TNFSF4: variants seen among roughly 807,000 people sequenced by gnomAD.
TNFSF4 encodes the protein tumor necrosis factor ligand superfamily member 4.
A neutral mutation model predicts 7.3 loss-of-function variants in TNFSF4; 4 were observed. The observed-to-expected ratio is 0.55, with a 90% CI of 0.27 to 1.25. The LOEUF (loss-of-function observed/expected upper bound fraction) is 1.25. Ranked by LOEUF, TNFSF4 falls within the 50% of genes most tolerant of loss-of-function variation. TNFSF4 has a pLI of 0.12. For missense variants in TNFSF4, 181 were observed against 208.8 expected (o/e 0.87, Z 0.82); for synonymous variants, 76 against 83.7 (o/e 0.91, Z 0.50).
At chr1:173,416,437 G>A in the TNFSF4 span, among the ~76,000 whole-genome samples, 4 of 152,072 alleles carry the variant, frequency 2.6e-5, no homozygotes, top group Non-Finnish European at 5.9e-5. Flanking sequence ...GAGGGCAGAG[G>A]AGAGGGAAGG....
chr1:173,247,757 C>T, the TNFSF4 span, among the ~76,000 whole-genome samples: 1 of 152,114 alleles, frequency 6.6e-6, no homozygotes, highest in African/African-American at 2.4e-5. Context: ...ACTTGTCATT[C>T]AAATGATTAA....
At chr1:173,386,635 G>A in the TNFSF4 span, among the ~76,000 whole-genome samples, 7 of 152,180 alleles carry the variant, frequency 4.6e-5, no homozygotes, top group African/African-American at 1.4e-4. Flanking sequence ...AGTGGGATCA[G>A]GGCTGCCCTT....
the TNFSF4 span, among the ~76,000 whole-genome samples, chr1:173,420,985 TTA>T: frequency 6.6e-6 from 1 of 152,214 alleles, no homozygotes; most frequent in Non-Finnish European, 1.5e-5. Context: ...CCAGTTACAG[TTA>T]TGTTACAGTC....
chr1:173,200,023 A>T (rs1019794216), intron 1 of TNFSF4, among the ~76,000 whole-genome samples: 1 of 152,240 alleles, frequency 6.6e-6, no homozygotes, highest in Non-Finnish European at 1.5e-5. Context: ...TATGTTATCT[A>T]CATTTGTGTA....
chr1:173,281,075 C>T, the TNFSF4 span, among the ~76,000 whole-genome samples: 1 of 151,958 alleles, frequency 6.6e-6, no homozygotes, highest in Non-Finnish European at 1.5e-5. Flanking sequence ...ATATTTTTTG[C>T]AATCCTGTTG....
At chr1:173,229,326 C>T in the TNFSF4 span, among the ~76,000 whole-genome samples, 1 of 152,134 alleles carries the variant, frequency 6.6e-6, no homozygotes, top group Non-Finnish European at 1.5e-5. Context: ...CATATCCAGC[C>T]AAACTAAGCT....
chr1:173,402,650 A>G, the TNFSF4 span, among the ~76,000 whole-genome samples: 2 of 152,190 alleles, frequency 1.3e-5, no homozygotes. Flanking sequence ...GGTCATCACC[A>G]TGTTCAGCAA....
chr1:173,427,892 T>C, the TNFSF4 span, among the ~76,000 whole-genome samples: 1 of 152,092 alleles, frequency 6.6e-6, no homozygotes, highest in African/African-American at 2.4e-5. Context: ...TAATGTGTTG[T>C]GCTACCATGT....
chr1:173,281,233 AGG>A, the TNFSF4 span, among the ~76,000 whole-genome samples: 2 of 152,168 alleles, frequency 1.3e-5, no homozygotes, highest in Non-Finnish European at 2.9e-5. Context: ...AGAAAAAAAA[AGG>A]AATATTTTTG....
At chr1:173,430,454 G>A in the TNFSF4 span, among the ~76,000 whole-genome samples, 1 of 152,186 alleles carries the variant, frequency 6.6e-6, no homozygotes, top group Non-Finnish European at 1.5e-5. Flanking sequence ...TAATCTTGTG[G>A]GTCAGGAGTG....
chr1:173,250,515 A>G, the TNFSF4 span, among the ~76,000 whole-genome samples: 1 of 148,922 alleles, frequency 6.7e-6, no homozygotes, highest in African/African-American at 2.5e-5. Context: ...GCTGGAGTGC[A>G]GTGGCGCCAT....
intron 1 of TNFSF4, chr1:173,205,724 T>A (rs1241324331): frequency 2.9e-6 from 1 of 350,706 alleles, no homozygotes; most frequent in Non-Finnish European, 4.0e-6. Context: ...ATCCGGTCGA[T>A]GTCTTGGGCA....
chr1:173,391,448 A>C, the TNFSF4 span, among the ~76,000 whole-genome samples: 4 of 129,490 alleles, frequency 3.1e-5, no homozygotes, highest in African/African-American at 5.1e-5. Flanking sequence ...AAAAAAAAAA[A>C]AAAAAAAAAA....
At chr1:173,192,140 G>A (rs1649514597) in intron 1 of TNFSF4, among the ~76,000 whole-genome samples, 1 of 152,208 alleles carries the variant, frequency 6.6e-6, no homozygotes, top group Non-Finnish European at 1.5e-5. Flanking sequence ...TCACACCACT[G>A]CCTCCAGCAT....
the TNFSF4 span, among the ~76,000 whole-genome samples, chr1:173,448,626 G>A: frequency 6.6e-6 from 1 of 152,166 alleles, no homozygotes; most frequent in Non-Finnish European, 1.5e-5. Context: ...GTCACAAGGT[G>A]CTCAGTGGGG....
chr1:173,404,665 C>T, the TNFSF4 span, among the ~76,000 whole-genome samples: 1 of 149,410 alleles, frequency 6.7e-6, no homozygotes, highest in Non-Finnish European at 1.5e-5. Flanking sequence ...CGGAGACTTG[C>T]TCTGTCGCCA....
chr1:173,291,064 A>G, the TNFSF4 span, among the ~76,000 whole-genome samples: 175 of 152,344 alleles, frequency 1.1e-3, no homozygotes, highest in African/African-American at 4.0e-3. Flanking sequence ...TAATTTATAA[A>G]GAAAAGCAGT....
At chr1:173,245,147 T>C in the TNFSF4 span, among the ~76,000 whole-genome samples, 3 of 152,112 alleles carry the variant, frequency 2.0e-5, no homozygotes, top group Non-Finnish European at 4.4e-5. Context: ...TTAGTTGTTT[T>C]CTCTTTGATT....
the TNFSF4 span, among the ~76,000 whole-genome samples, chr1:173,234,669 T>A: frequency 1.4e-4 from 21 of 152,254 alleles, no homozygotes; most frequent in East Asian, 3.9e-3. Flanking sequence ...CTGGAAACCA[T>A]CATTCTCAGG....
Sources: allele counts gnomAD v4.1 joint callset (sites outside exome capture counted in the v4.1 genomes callset), GRCh38; gene constraint gnomAD v4.1.1; transcripts MANE v1.5; gene names NCBI Gene and HGNC (gene_info 2026-07-23, HGNC 2026-07-21).